MCC: variants seen among roughly 807,000 people sequenced by gnomAD.
The protein encoded by MCC is MCC regulator of Wnt signaling pathway.
A neutral mutation model predicts 116.2 loss-of-function variants in MCC; 90 were observed. The observed-to-expected ratio is 0.77, with a 90% CI of 0.65 to 0.92. MCC has a LOEUF of 0.92. MCC is among the 40% of genes least tolerant of loss of function. MCC has a pLI of 0.00. For synonymous variants in MCC, 578 were observed against 510.5 expected, an observed-to-expected ratio of 1.13 and a Z score of -1.78; for missense variants, 1,516 against 1,312.2, an observed-to-expected ratio of 1.16 and a Z score of -2.40.
intron 1 of MCC, among the ~76,000 whole-genome samples, chr5:113,426,453 G>A (rs1770486332): frequency 6.6e-6 from 1 of 152,150 alleles, no homozygotes; most frequent in South Asian, 2.1e-4. Context: ...CAATGTAATA[G>A]TATGCAGCCA....
At chr5:113,032,663 TA>T (rs1466542776) in intron 17 of MCC, among the ~76,000 whole-genome samples, 2 of 152,162 alleles carry the variant, frequency 1.3e-5, no homozygotes, top group African/African-American at 4.8e-5. Flanking sequence ...AAATAGGAGT[TA>T]GGTAAAAGTG....
At chr5:113,120,974 A>T (rs536245491) in intron 6 of MCC, among the ~76,000 whole-genome samples, 1 of 152,252 alleles carries the variant, frequency 6.6e-6, no homozygotes, top group South Asian at 2.1e-4. Flanking sequence ...ACAAAACTCA[A>T]AGCAAAACCA....
intron 3 of MCC, among the ~76,000 whole-genome samples, chr5:113,325,775 C>T (rs10037857): frequency 0.011 from 1,732 of 152,214 alleles, 33 homozygotes; most frequent in African/African-American, 0.038. Flanking sequence ...TTGAATTTCA[C>T]AGAAATTTTA....
chr5:113,031,740 C>G (rs572152291), intron 17 of MCC, among the ~76,000 whole-genome samples: 1 of 152,132 alleles, frequency 6.6e-6, no homozygotes, highest in South Asian at 2.1e-4. Context: ...CCAGCCCTTC[C>G]ACAAGACAAA....
intron 3 of MCC, among the ~76,000 whole-genome samples, chr5:113,293,692 T>A (rs1222064498): frequency 1.3e-5 from 2 of 152,164 alleles, no homozygotes; most frequent in Non-Finnish European, 2.9e-5. Context: ...TAGGTTACAG[T>A]GGGAGCCCAG....
intron 17 of MCC, among the ~76,000 whole-genome samples, chr5:113,037,616 C>T (rs1277296771): frequency 6.6e-6 from 1 of 152,146 alleles, no homozygotes; most frequent in African/African-American, 2.4e-5. Flanking sequence ...CTGCTTGAGC[C>T]TGGGGAGGTT....
intron 1 of MCC, among the ~76,000 whole-genome samples, chr5:113,473,968 G>C (rs1389537276): frequency 1.3e-5 from 2 of 152,302 alleles, no homozygotes; most frequent in Non-Finnish European, 2.9e-5. Flanking sequence ...ATTAGAAAGT[G>C]ATGTGAGACT....
At chr5:113,472,005 G>T in intron 1 of MCC, among the ~76,000 whole-genome samples, 1 of 152,198 alleles carries the variant, frequency 6.6e-6, no homozygotes, top group Non-Finnish European at 1.5e-5. Context: ...TTTTAAGCCC[G>T]TTGGAAAAGT....
intron 3 of MCC, among the ~76,000 whole-genome samples, chr5:113,233,492 A>C (rs1561474932): frequency 2.0e-5 from 3 of 152,174 alleles, no homozygotes; most frequent in African/African-American, 4.8e-5. Flanking sequence ...AACTTGACAG[A>C]TTCTCTGAAA....
chr5:113,133,147 G>C (rs1758568187), intron 5 of MCC, among the ~76,000 whole-genome samples: 1 of 151,890 alleles, frequency 6.6e-6, no homozygotes, highest in South Asian at 2.1e-4. Flanking sequence ...TCTTTATGCT[G>C]GGAACATTCA....
Position 113,053,818 on chromosome 5 carries a change from G to C in MCC, c.2355C>G (p.Ile785Met), listed in dbSNP as rs151022367. The change falls in exon 15 of 19, where the codon ATC (isoleucine) becomes ATG (methionine). Residue 785 changes from isoleucine (I) to methionine (M), a missense_variant. Transcript: ENST00000408903. ...GCTTGACGTCATAGCTGAGAGGATC[G>C]ATGTGGATGCTTTCCAGCTCCAGCA... is the stretch of plus-strand genomic sequence containing the variant. ...LTMLELESIH[I>M]DPLSYDVKPR... The C allele has an allele frequency of 6.2e-7, 1 of 1,614,102 alleles. No homozygotes were observed. Among genetic ancestry groups the C allele is most frequent in the South Asian group, 1.1e-5 (1 of 91,082 alleles).
chr5:113,055,987 A>G (rs1023658389), intron 14 of MCC, among the ~76,000 whole-genome samples: 7 of 152,180 alleles, frequency 4.6e-5, no homozygotes, highest in Admixed American at 4.6e-4. Flanking sequence ...CAGACTTCAG[A>G]TTTGCCAGCT....
intron 3 of MCC, among the ~76,000 whole-genome samples, chr5:113,285,949 G>C (rs1561506814): frequency 6.6e-6 from 1 of 152,164 alleles, no homozygotes; most frequent in Non-Finnish European, 1.5e-5. Flanking sequence ...CATCGAATGG[G>C]TACTTTCACC....
chr5:113,405,565 G>T lies in MCC; in HGVS notation c.171-20353C>A, dbSNP rs553759084. On this transcript the variant is annotated intron_variant, in intron 1 of 18. Transcript: ENST00000408903. ...GCACTTTGGGAGGCAGAGGCAGGAG[G>T]ATTTCTTGATGCCAGGAGTTCAAGA... 4.6e-5 allele frequency among the ~76,000 whole-genome samples: 7 copies of T among 152,246 alleles called. No homozygotes were observed. In the South Asian group the frequency reaches 1.5e-3, roughly 32 times the overall value.
chr5:113,477,827 A>G (rs544272343), intron 1 of MCC, among the ~76,000 whole-genome samples: 53 of 152,352 alleles, frequency 3.5e-4, no homozygotes, highest in African/African-American at 1.2e-3. Flanking sequence ...AAGCCACAAC[A>G]AAGTATAGGA....
chr5:113,101,927 C>T lies in MCC; in HGVS notation c.1210G>A (p.Gly404Arg), dbSNP rs1253529262. ...GGATACAGGTCCCGGCCAAGCACCC[C>T]CTCAATCTCCTCGACTGTCTGTAAA... ...LAIKTVEEIE[G>R]VLGRDLYPNL... The change falls in exon 8 of 19, where the codon GGG (glycine) becomes AGG (arginine). Residue 404 changes from glycine to arginine, a missense_variant. Physicochemically the swap from Gly to Arg is moderately radical, Grantham distance 125. Coordinates refer to ENST00000408903, the MANE Select transcript of MCC (RefSeq NM_001085377.2). 14 of 1,613,778 alleles carry T rather than the reference C, an allele frequency of 8.7e-6. No individual in the cohort carries two copies. In the Middle Eastern group the frequency reaches 9.9e-4, roughly 114 times the overall value.
Position 113,386,754 on chromosome 5 carries a change from C to CATATATATATATATATATATATAT in MCC, c.171-1543_171-1542insATATATATATATATATATATATAT, listed in dbSNP as rs10673164. 1.0e-3 allele frequency among the ~76,000 whole-genome samples: 142 copies of CATATATATATATATATATATATAT among 141,044 alleles called. 1 individual carries two copies. The highest frequency in any genetic ancestry group is 4.2e-3 in the East Asian group (20 of 4,794). The allele number at this position is 141,044 out of a possible 152,430, so 92.5% of individuals were successfully genotyped here. On this transcript the variant is annotated intron_variant, in intron 1 of 18. Transcript: ENST00000408903. ...TGTGTGTCTGTGTCCATATGTATAT[C>CATATATATATATATATATATATAT]ATATATATATATATATATATGCCTC...
intron 3 of MCC, among the ~76,000 whole-genome samples, chr5:113,325,571 AC>A (rs33939300): frequency 0.03 from 4,582 of 151,142 alleles, 229 homozygotes; most frequent in African/African-American, 0.1. Flanking sequence ...ACGCAGAATC[AC>A]AAGTGCTGTG....
intron 3 of MCC, among the ~76,000 whole-genome samples, chr5:113,266,238 TAC>T (rs58228493): frequency 2.1e-4 from 31 of 148,846 alleles, no homozygotes; most frequent in Non-Finnish European, 2.5e-4. Context: ...TCACCCCTTC[TAC>T]ACACACACAC....
Sources: gnomAD v4.1 joint callset for allele counts (sites outside exome capture counted in the v4.1 genomes callset) on GRCh38, gnomAD v4.1.1 for gene constraint, MANE v1.5 for transcripts, NCBI Gene and HGNC (gene_info 2026-07-23, HGNC 2026-07-21) for gene names.